The following CUBN variants were observed in gnomAD, a reference collection of about 807,000 sequenced individuals.
CUBN encodes cubilin.
A neutral mutation model predicts 405.3 loss-of-function variants in CUBN; 282 were observed. The observed-to-expected ratio is 0.70, with a 90% CI of 0.63 to 0.77. The LOEUF is 0.77. Among genes scored for constraint, CUBN ranks in the 30% least tolerant of loss-of-function variants. The pLI is 0.00. For synonymous variants in CUBN, 1,684 were observed against 1,617.0 expected, an observed-to-expected ratio of 1.04 and a Z score of -0.99; for missense variants, 4,514 against 4,475.2, an observed-to-expected ratio of 1.01 and a Z score of -0.25.
At chr10:16,854,487 AGCATTTTACAT>A (rs564827011) in intron 59 of CUBN, among the ~76,000 whole-genome samples, 2 of 152,320 alleles carry the variant, frequency 1.3e-5, no homozygotes, top group Non-Finnish European at 2.9e-5. Flanking sequence ...ATCCAGAACC[AGCATTTTACAT>A]GCAAGGGAAC....
At chr10:16,970,051 T>C (rs1843506988) in intron 31 of CUBN, among the ~76,000 whole-genome samples, 1 of 152,136 alleles carries the variant, frequency 6.6e-6, no homozygotes, top group East Asian at 1.9e-4. Flanking sequence ...ATTTTCTAAA[T>C]AAGCAAACTA....
At chr10:16,900,501 T>G in intron 53 of CUBN, 124 bp downstream of exon 53, 210 of 781,620 alleles carry the variant, frequency 2.7e-4, no homozygotes, top group East Asian at 6.1e-4. Flanking sequence ...GGTTGCTGCA[T>G]GAGATGACAT....
chr10:17,122,842 C>T lies in CUBN; in HGVS notation c.546G>A (p.Leu182=), dbSNP rs974933824. ...CACATGTGCCTCCATTCTGGCAGCTCAAGGGTGTTCCTGAGTAAATCTCAC... is the reference window on the plus strand; with the variant it reads ...CACATGTGCCTCCATTCTGGCAGCTTAAGGGTGTTCCTGAGTAAATCTCAC... The part of the protein sequence containing the change: ...NECEIYSGTP[L]SCQNGGTCVN... The change falls in exon 6 of 67, where the codon TTG becomes TTA. Residue 182 remains leucine (L), a synonymous_variant. Coordinates refer to ENST00000377833, the MANE Select transcript of CUBN (RefSeq NM_001081.4). 2 of 1,613,420 alleles carry T rather than the reference C, an allele frequency of 1.2e-6. No individual in the cohort carries two copies. Among genetic ancestry groups the T allele is most frequent in the Non-Finnish European group, 1.7e-6 (2 of 1,179,846 alleles).
intron 6 of CUBN, chr10:17,122,446 T>G: frequency 2.6e-6 from 1 of 389,740 alleles, no homozygotes; most frequent in Non-Finnish European, 5.1e-6. Context: ...CCTTTTCTAC[T>G]TAAGGCCATT....
At chr10:16,828,469 A>T (rs1838861817) in intron 66 of CUBN, among the ~76,000 whole-genome samples, 1 of 152,142 alleles carries the variant, frequency 6.6e-6, no homozygotes, top group South Asian at 2.1e-4. Context: ...TGTAATCCCA[A>T]CACTTTCGGA....
At chr10:17,007,159 T>C (rs1289399802) in intron 28 of CUBN, among the ~76,000 whole-genome samples, 1 of 152,124 alleles carries the variant, frequency 6.6e-6, no homozygotes, top group Non-Finnish European at 1.5e-5. Flanking sequence ...CGGAAACTTC[T>C]GTATTCCCCA....
At chr10:16,876,870 C>T in intron 57 of CUBN, 27 bp downstream of exon 57, 1 of 1,598,432 alleles carries the variant, frequency 6.3e-7, no homozygotes, top group Non-Finnish European at 8.6e-7. Context: ...GAAGAAAATT[C>T]CAAACTCTGT....
chr10:16,992,663 C>T lies in CUBN; in HGVS notation c.4169-2148G>A, dbSNP rs185332510. The stretch of plus-strand genomic sequence containing the variant: ...AAGAATCTTGATTCGGCAGAGAAAT[C>T]TGACTCTAGCTCAAAGCACTACTAT... On this transcript the variant is annotated intron_variant, in intron 28 of 66. Coordinates refer to ENST00000377833, the MANE Select transcript of CUBN (RefSeq NM_001081.4). Among the ~76,000 whole-genome samples the T allele has an allele frequency of 4.8e-3, 724 of 152,308 alleles. 6 individuals are homozygous for T. The highest frequency in any genetic ancestry group is 6.9e-3 in the Non-Finnish European group (472 of 68,024).
At chr10:17,085,850 T>C (rs1836095670) in intron 15 of CUBN, 91 bp from the exon 16 acceptor site, 5 of 1,202,534 alleles carry the variant, frequency 4.2e-6, no homozygotes, top group Non-Finnish European at 6.0e-6. Context: ...AAATCTATCA[T>C]TTAAAAGTGA....
At chr10:17,033,684 G>A (rs1834830197) in intron 27 of CUBN, among the ~76,000 whole-genome samples, 1 of 152,212 alleles carries the variant, frequency 6.6e-6, no homozygotes, top group African/African-American at 2.4e-5. Context: ...AGACAGTTAT[G>A]TGGCTTCTGC....
intron 40 of CUBN, among the ~76,000 whole-genome samples, chr10:16,929,437 T>TA (rs1842304847): frequency 6.6e-6 from 1 of 152,152 alleles, no homozygotes; most frequent in African/African-American, 2.4e-5. Context: ...CTCGAGTTTA[T>TA]AAAAAACAAA....
chr10:16,957,671 A>C (rs1345540629), intron 31 of CUBN, among the ~76,000 whole-genome samples: 1 of 152,190 alleles, frequency 6.6e-6, no homozygotes, highest in East Asian at 1.9e-4. Context: ...CAGTATGGAC[A>C]TTTCTCAAAA....
chr10:17,104,281 G>C (rs1465739779), intron 12 of CUBN, 138 bp downstream of exon 12: 3 of 701,524 alleles, frequency 4.3e-6, no homozygotes, highest in Non-Finnish European at 7.5e-6. Context: ...TACCATTTCT[G>C]CAAGGAAAGA....
intron 4 of CUBN, among the ~76,000 whole-genome samples, chr10:17,124,376 G>A (rs1028137701): frequency 2.6e-5 from 4 of 151,816 alleles, no homozygotes; most frequent in African/African-American, 9.7e-5. Context: ...TACTGCCTTT[G>A]GGTGCAGAGA....
chr10:17,024,647 G>T (rs1288881587), intron 27 of CUBN, among the ~76,000 whole-genome samples: 1 of 152,052 alleles, frequency 6.6e-6, no homozygotes, highest in Non-Finnish European at 1.5e-5. Context: ...GAAACTACAG[G>T]CATGCAGTAC....
intron 8 of CUBN, 75 bp from the exon 9 acceptor site, chr10:17,111,125 T>C (rs1431114708): frequency 6.7e-7 from 1 of 1,498,576 alleles, no homozygotes; most frequent in Non-Finnish European, 9.3e-7. Flanking sequence ...AGTCAAAACA[T>C]ATAAAAACCT....
chr10:16,899,967 C>T (rs1388370643), intron 53 of CUBN, among the ~76,000 whole-genome samples: 1 of 152,152 alleles, frequency 6.6e-6, no homozygotes, highest in Non-Finnish European at 1.5e-5. Flanking sequence ...GATACAAGTC[C>T]TTGTATTTTC....
intron 43 of CUBN, among the ~76,000 whole-genome samples, chr10:16,922,525 A>G (rs1020956072): frequency 6.6e-6 from 1 of 152,058 alleles, no homozygotes; most frequent in African/African-American, 2.4e-5. Context: ...AAAAACTTCC[A>G]ATGCCTCCCA....
At chr10:16,982,117 A>G (rs2131696342) in intron 31 of CUBN, among the ~76,000 whole-genome samples, 1 of 152,364 alleles carries the variant, frequency 6.6e-6, no homozygotes, top group South Asian at 2.1e-4. Flanking sequence ...TAAAAGAAAC[A>G]CAAACAAAAC....
Sources: gnomAD v4.1 joint callset for allele counts (sites outside exome capture counted in the v4.1 genomes callset) on GRCh38, gnomAD v4.1.1 for gene constraint, MANE v1.5 for transcripts, NCBI Gene and HGNC (gene_info 2026-07-23, HGNC 2026-07-21) for gene names.